KLK3: variants seen among roughly 807,000 people sequenced by gnomAD.
KLK3 encodes the protein prostate-specific antigen.
In KLK3, 23 loss-of-function variants were observed where a neutral mutation model predicts 27.7. The observed-to-expected ratio is 0.83, with a 90% CI of 0.60 to 1.17. KLK3 has a LOEUF of 1.17. Ranked by LOEUF, KLK3 falls within the 50% of genes most tolerant of loss-of-function variation. The probability of loss-of-function intolerance (pLI) is 0.00; values close to 1 mark genes in which losing one functional copy is unlikely to be tolerated. For synonymous variants in KLK3, 142 were observed against 134.2 expected (o/e 1.06, Z -0.40); for missense variants, 322 against 338.1 (o/e 0.95, Z 0.37).
chr19:50,856,458 G>A lies in KLK3; in HGVS notation c.206+59G>A, dbSNP rs563376228. 20 of 1,576,582 alleles carry A rather than the reference G, an allele frequency of 1.3e-5. No homozygotes were observed. The South Asian group carries it at 2.3e-4, about 18-fold the overall frequency. ...TCTGTGTCCCAGAGGAATAACAGCT[G>A]GGCATTTTCCCCAGGATAACCTCTA... On this transcript the variant is annotated intron_variant, in intron 2 of 4. Transcript: ENST00000326003.
At chr19:50,857,738 C>T (rs939042133) in intron 2 of KLK3, 19 of 321,468 alleles carry the variant, frequency 5.9e-5, no homozygotes, top group African/African-American at 1.1e-4. Flanking sequence ...TGTGTATTTT[C>T]GGCTCACCTT....
At chr19:50,859,476 C>G in intron 4 of KLK3, 1 of 1,471,970 alleles carries the variant, frequency 6.8e-7, no homozygotes, top group South Asian at 1.1e-5. Flanking sequence ...GCCTCCCTCA[C>G]AGGCTCCTGG....
chr19:50,857,562 C>T (rs266876), intron 2 of KLK3: 107,199 of 158,184 alleles, frequency 0.68, 36,728 homozygotes, highest in Non-Finnish European at 0.72. Flanking sequence ...CTCCCACACT[C>T]TATCATCCCC....
chr19:50,859,808 TC>T, intron 4 of KLK3, 163 bp from the exon 5 acceptor site: 1 of 1,470,144 alleles, frequency 6.8e-7, no homozygotes, highest in Non-Finnish European at 9.0e-7. Context: ...TCTGTTGGAA[TC>T]CCTGCCCACC....
chr19:50,859,699 G>T, intron 4 of KLK3: 1 of 1,582,488 alleles, frequency 6.3e-7, no homozygotes, highest in Non-Finnish European at 8.6e-7. Flanking sequence ...TTGTCCCACC[G>T]ACCTGTCTAC....
intron 4 of KLK3, 31 bp from the exon 5 acceptor site, chr19:50,859,941 T>C: frequency 6.3e-7 from 1 of 1,588,244 alleles, no homozygotes; most frequent in South Asian, 1.1e-5. Context: ...GGGACTGACC[T>C]ATCTCACTCT....
In KLK3 at chr19:50,858,091, T is replaced by G; in HGVS notation, c.269T>G (p.Phe90Cys). Residue 90 changes from phenylalanine (F) to cysteine (C), a missense_variant, in exon 3 of 5, where the codon TTT (phenylalanine) becomes TGT (cysteine). Coordinates refer to ENST00000326003, the MANE Select transcript of KLK3 (RefSeq NM_001648.2). ...CATCCTGAAGACACAGGCCAGGTAT[T>G]TCAGGTCAGCCACAGCTTCCCACAC... is the stretch of plus-strand genomic sequence containing the variant. ...LFHPEDTGQV[F>C]QVSHSFPHPL... 6.2e-7 allele frequency: 1 copy of G among 1,613,990 alleles called. No individual in the cohort carries two copies. The highest frequency in any genetic ancestry group is 1.1e-5 in the South Asian group (1 of 91,078).
intron 4 of KLK3, among the ~76,000 whole-genome samples, chr19:50,859,178 T>C (rs192532217): frequency 0.011 from 1,624 of 151,990 alleles, 27 homozygotes; most frequent in African/African-American, 0.037. Context: ...GGAGGTTGCC[T>C]GGCTGGAGTG....
chr19:50,860,144 C>T lies in KLK3; in HGVS notation c.*17C>T, dbSNP rs1333882739. 6.4e-7 allele frequency: 1 copy of T among 1,572,742 alleles called. No homozygotes were observed. Among genetic ancestry groups the T allele is most frequent in the East Asian group, 2.2e-5 (1 of 44,584 alleles). On this transcript the variant is annotated 3_prime_UTR_variant, in exon 5 of 5. Transcript: ENST00000326003. Reference sequence around the variant, plus strand: ...AACCCCTGAGCACCCCTATCAACCCCCTATTGTAGTAAACTTGGAACCTTG... The same window carrying T: ...AACCCCTGAGCACCCCTATCAACCCTCTATTGTAGTAAACTTGGAACCTTG...
At chr19:50,857,114 G>A (rs2090153475) in intron 2 of KLK3, among the ~76,000 whole-genome samples, 2 of 130,760 alleles carry the variant, frequency 1.5e-5, no homozygotes, top group Admixed American at 1.9e-4. Flanking sequence ...AGTGAGCCGA[G>A]ACCGTGCCAC....
In KLK3 at chr19:50,858,140, G is replaced by A; in HGVS notation, c.318G>A (p.Leu106=). Residue 106 remains leucine, a synonymous_variant, in exon 3 of 5, where the codon CTG becomes CTA. Coordinates refer to ENST00000326003, the MANE Select transcript of KLK3 (RefSeq NM_001648.2). ...ACCCGCTCTACGATATGAGCCTCCT[G>A]AAGAATCGATTCCTCAGGCCAGGTG... ...FPHPLYDMSL[L]KNRFLRPGDD... 1.2e-6 allele frequency: 2 copies of A among 1,614,122 alleles called. No homozygotes were observed. The highest frequency in any genetic ancestry group is 8.5e-7 in the Non-Finnish European group (1 of 1,179,996).
In KLK3 at chr19:50,858,320, G is replaced by A. The variant is rs566539425; in HGVS notation, c.493+5G>A. The stretch of plus-strand genomic sequence containing the variant: ...GCAGCATTGAACCAGAGGAGTGTAC[G>A]CCTGGGCCAGATGGTGCAGCCGGGA... On this transcript the variant is annotated splice_donor_5th_base_variant and intron_variant, in intron 3 of 4. Transcript: ENST00000326003. 1.1e-5 allele frequency: 18 copies of A among 1,610,472 alleles called. No individual in the cohort carries two copies. In the South Asian group the frequency reaches 1.4e-4, roughly 13 times the overall value.
At position 50,858,012 on chromosome 19, in the gene KLK3, G is replaced by A. The variant is rs141675390; in HGVS notation, c.207-17G>A. The A allele has an allele frequency of 1.3e-5, 21 of 1,594,006 alleles. No individual in the cohort carries two copies. Among genetic ancestry groups the A allele is most frequent in the African/African-American group, 5.4e-5 (4 of 74,714 alleles). On this transcript the variant is annotated splice_polypyrimidine_tract_variant and intron_variant, in intron 2 of 4. Transcript: ENST00000326003. The stretch of plus-strand genomic sequence containing the variant: ...TATCATCCTCGCTCCTCATTCCTGC[G>A]TCTGCTTCCTCCCCAGCAAAAGCGT...
At chr19:50,859,543 T>A (rs770902213) in intron 4 of KLK3, 2 of 1,613,358 alleles carry the variant, frequency 1.2e-6, no homozygotes, top group Non-Finnish European at 8.5e-7. Context: ...GTCATTCTGA[T>A]CACCGAACTG....
At chr19:50,857,162 C>CAAA (rs560911495) in intron 2 of KLK3, among the ~76,000 whole-genome samples, 18 of 46,394 alleles carry the variant, frequency 3.9e-4, no homozygotes, top group East Asian at 2.1e-3. Context: ...GACTCCGCCT[C>CAAA]AAAAAAAAAA....
chr19:50,858,972 T>G, intron 4 of KLK3: 1 of 369,636 alleles, frequency 2.7e-6, no homozygotes, highest in Non-Finnish European at 4.8e-6. Flanking sequence ...AGCTGGAGGG[T>G]GTCAGGAGGT....
intron 2 of KLK3, chr19:50,857,797 C>T: frequency 1.9e-6 from 1 of 523,372 alleles, no homozygotes; most frequent in Non-Finnish European, 3.4e-6. Flanking sequence ...TGTCCTTTTA[C>T]CCTCTTCCTT....
chr19:50,859,454 G>A (rs1393604465), intron 4 of KLK3: 4 of 1,223,944 alleles, frequency 3.3e-6, no homozygotes, highest in Non-Finnish European at 4.8e-6. Flanking sequence ...TCCCCACCTG[G>A]GCCCTTACCC....
Position 50,854,948 on chromosome 19 carries a change from G to C in KLK3, c.-8G>C, listed in dbSNP as rs1423250860. 1 of 1,613,810 alleles carries C rather than the reference G, an allele frequency of 6.2e-7. No homozygotes were observed. Among genetic ancestry groups the C allele is most frequent in the African/African-American group, 1.3e-5 (1 of 74,986 alleles). On this transcript the variant is annotated 5_prime_UTR_variant, in exon 1 of 5. Coordinates refer to ENST00000326003, the MANE Select transcript of KLK3 (RefSeq NM_001648.2). Reference sequence around the variant, plus strand: ...GCTTACCACCTGCACCCGGAGAGCTGTGTCACCATGTGGGTCCCGGTTGTC... The same window carrying C: ...GCTTACCACCTGCACCCGGAGAGCTCTGTCACCATGTGGGTCCCGGTTGTC...
Sources: gnomAD v4.1 joint callset for allele counts (sites outside exome capture counted in the v4.1 genomes callset) on GRCh38, gnomAD v4.1.1 for gene constraint, MANE v1.5 for transcripts, NCBI Gene and HGNC (gene_info 2026-07-23, HGNC 2026-07-21) for gene names.